Variants in DCC observed in about 807,000 individuals in gnomAD.
DCC encodes netrin receptor DCC.
A neutral mutation model predicts 172.5 loss-of-function variants in DCC; 58 were observed. That is an observed-to-expected ratio of 0.34 (90% CI 0.27 to 0.42). The LOEUF (loss-of-function observed/expected upper bound fraction) is 0.42, where lower values mean the gene tolerates loss of function less well. Ranked by LOEUF, DCC falls within the 10% of genes least tolerant of loss-of-function variation. The pLI, the probability that DCC is intolerant of heterozygous loss-of-function variation, is 1.00. For synonymous variants in DCC, 709 were observed against 644.5 expected (o/e 1.10, Z -1.52); for missense variants, 1,740 against 1,791.0 (o/e 0.97, Z 0.51).
At chr18:53,408,641 C>T (rs2145050921) in intron 19 of DCC, among the ~76,000 whole-genome samples, 1 of 152,282 alleles carries the variant, frequency 6.6e-6, no homozygotes, top group South Asian at 2.1e-4. Flanking sequence ...CATGATATTA[C>T]TAGAGGATGA....
At chr18:52,390,367 G>A (rs565598198) in intron 1 of DCC, among the ~76,000 whole-genome samples, 79 of 152,036 alleles carry the variant, frequency 5.2e-4, no homozygotes, top group Middle Eastern at 3.2e-3. Flanking sequence ...AGCACACCAG[G>A]ATGGGCACAG....
At chr18:53,253,167 G>A (rs567214324) in intron 12 of DCC, among the ~76,000 whole-genome samples, 200 of 151,730 alleles carry the variant, frequency 1.3e-3, no homozygotes, top group African/African-American at 3.9e-3. Context: ...AGTAGGATCC[G>A]GAATATTTTG....
chr18:53,519,151 T>C (rs1215925488), intron 27 of DCC, among the ~76,000 whole-genome samples: 1 of 152,180 alleles, frequency 6.6e-6, no homozygotes, highest in Admixed American at 6.5e-5. Flanking sequence ...TATCCTTGTG[T>C]AATTTTCATA....
At chr18:52,545,933 C>A (rs1337929228) in intron 1 of DCC, among the ~76,000 whole-genome samples, 1 of 152,150 alleles carries the variant, frequency 6.6e-6, no homozygotes, top group Non-Finnish European at 1.5e-5. Context: ...TTATATTGGG[C>A]TAAATGCAGT....
At chr18:52,742,252 A>G (rs2036834077) in intron 1 of DCC, among the ~76,000 whole-genome samples, 1 of 151,980 alleles carries the variant, frequency 6.6e-6, no homozygotes, top group Non-Finnish European at 1.5e-5. Context: ...TCTTCACAAT[A>G]TTCAGGTCTT....
At chr18:53,046,457 TAGACTC>T (rs1465300072) in intron 5 of DCC, among the ~76,000 whole-genome samples, 1 of 146,374 alleles carries the variant, frequency 6.8e-6, no homozygotes, top group Non-Finnish European at 1.5e-5. Flanking sequence ...ACTTCCATGT[TAGACTC>T]AGAATTTTAA....
intron 7 of DCC, among the ~76,000 whole-genome samples, chr18:53,109,944 A>G (rs1013760739): frequency 1.3e-5 from 2 of 151,582 alleles, no homozygotes; most frequent in South Asian, 2.1e-4. Context: ...AAACTCTGAA[A>G]GTATTTTTTT....
chr18:53,012,503 A>G (rs1031925474), intron 5 of DCC, among the ~76,000 whole-genome samples: 4 of 152,102 alleles, frequency 2.6e-5, no homozygotes, highest in South Asian at 2.1e-4. Context: ...AATAGAGGTT[A>G]TTCCAGTGGG....
At chr18:52,454,690 T>A (rs1338742245) in intron 1 of DCC, among the ~76,000 whole-genome samples, 1 of 152,210 alleles carries the variant, frequency 6.6e-6, no homozygotes, top group Non-Finnish European at 1.5e-5. Context: ...ACTTTATGAG[T>A]ATGCTATTGA....
intron 5 of DCC, among the ~76,000 whole-genome samples, chr18:52,982,067 A>G (rs568245920): frequency 1.3e-5 from 2 of 152,320 alleles, no homozygotes; most frequent in African/African-American, 2.4e-5. Context: ...TTTCTAAGAT[A>G]GCTTCAAAGA....
intron 2 of DCC, among the ~76,000 whole-genome samples, chr18:52,856,905 G>A (rs945728879): frequency 6.6e-6 from 1 of 152,086 alleles, no homozygotes; most frequent in Admixed American, 6.6e-5. Context: ...AACAAATTAG[G>A]TATGAATTTT....
At chr18:52,410,944 T>C (rs1986823593) in intron 1 of DCC, among the ~76,000 whole-genome samples, 2 of 152,144 alleles carry the variant, frequency 1.3e-5, no homozygotes, top group African/African-American at 4.8e-5. Context: ...AATCTGAGTC[T>C]ACTTAAAGCA....
At chr18:52,487,527 T>C (rs942185111) in intron 1 of DCC, among the ~76,000 whole-genome samples, 6 of 152,024 alleles carry the variant, frequency 3.9e-5, no homozygotes, top group Non-Finnish European at 7.4e-5. Flanking sequence ...TTAGAGGAAG[T>C]AGACCGGGCA....
chr18:52,470,948 G>T (rs534099008), intron 1 of DCC, among the ~76,000 whole-genome samples: 114 of 152,256 alleles, frequency 7.5e-4, no homozygotes, highest in African/African-American at 2.6e-3. Context: ...TGAAAAAGAA[G>T]AAACTCCACT....
Position 53,486,891 on chromosome 18 carries a change from C to T in DCC, c.3831C>T (p.Phe1277=). The T allele has an allele frequency of 6.2e-7, 1 of 1,614,178 alleles. No homozygotes were observed. Among genetic ancestry groups the T allele is most frequent in the Non-Finnish European group, 8.5e-7 (1 of 1,180,040 alleles). Reference sequence around the variant, plus strand: ...CCTGTGGATATCCCCACCCGCAGTTCACTCTCCGGCCTGTGCCATTCCCAA... The same window carrying T: ...CCTGTGGATATCCCCACCCGCAGTTTACTCTCCGGCCTGTGCCATTCCCAA... ...SPTCGYPHPQ[F]TLRPVPFPTL... Residue 1277 remains phenylalanine (F), a synonymous_variant, in exon 26 of 29, where the codon TTC becomes TTT. Transcript: ENST00000442544.
intron 1 of DCC, among the ~76,000 whole-genome samples, chr18:52,735,034 G>A (rs1187106806): frequency 6.6e-6 from 1 of 152,066 alleles, no homozygotes; most frequent in Non-Finnish European, 1.5e-5. Context: ...TGATAATTCA[G>A]ATATAGCCCT....
intron 2 of DCC, among the ~76,000 whole-genome samples, chr18:52,798,409 G>A (rs1021319886): frequency 2.0e-5 from 3 of 152,122 alleles, no homozygotes; most frequent in African/African-American, 7.2e-5. Flanking sequence ...TCACTTTGTT[G>A]CTCAGGCTGC....
At chr18:52,931,736 C>T (rs1317849826) in intron 5 of DCC, 2 of 151,818 alleles carry the variant, frequency 1.3e-5, no homozygotes, top group East Asian at 1.9e-4. Flanking sequence ...TAAATAAGTT[C>T]ATAGGTATTT....
chr18:52,401,243 G>A (rs903720469), intron 1 of DCC, among the ~76,000 whole-genome samples: 2 of 151,906 alleles, frequency 1.3e-5, no homozygotes, highest in African/African-American at 4.8e-5. Context: ...CTTTCCTAAT[G>A]GGCATAACTC....
Sources: allele counts gnomAD v4.1 joint callset (sites outside exome capture counted in the v4.1 genomes callset), GRCh38; gene constraint gnomAD v4.1.1; transcripts MANE v1.5; gene names NCBI Gene and HGNC (gene_info 2026-07-23, HGNC 2026-07-21).